RAD54L2: variants seen among roughly 807,000 people sequenced by gnomAD.
RAD54L2 encodes helicase ARIP4.
A neutral mutation model predicts 138.4 loss-of-function variants in RAD54L2; 27 were observed. The ratio of observed to expected loss-of-function variants is 0.20; its 90% confidence interval spans 0.14 to 0.27. The LOEUF (loss-of-function observed/expected upper bound fraction) is 0.27. RAD54L2 is among the 10% of genes least tolerant of loss of function. The pLI is 1.00. For synonymous variants in RAD54L2, 644 were observed against 723.2 expected (o/e 0.89, Z 1.76); for missense variants, 1,396 against 1,890.2 (o/e 0.74, Z 4.85).
At chr3:51,578,328 G>C (rs1577399882) in intron 2 of RAD54L2, among the ~76,000 whole-genome samples, 1 of 152,144 alleles carries the variant, frequency 6.6e-6, no homozygotes, top group Non-Finnish European at 1.5e-5. Context: ...AGGGAACAAT[G>C]CTGCTTCCTT....
chr3:51,657,032 C>T (rs921659260), intron 20 of RAD54L2, among the ~76,000 whole-genome samples: 1 of 151,996 alleles, frequency 6.6e-6, no homozygotes, highest in Non-Finnish European at 1.5e-5. Flanking sequence ...CCATTGCACC[C>T]GGCCAATATA....
chr3:51,586,671 C>T lies in RAD54L2; in HGVS notation c.-54-3696C>T, dbSNP rs528955696. Among the ~76,000 whole-genome samples, 5 of 150,506 alleles carry T rather than the reference C, an allele frequency of 3.3e-5. No homozygotes were observed. In the South Asian group the frequency reaches 6.3e-4, roughly 19 times the overall value. ...GGAATCTCCACCTCCTGGGTTCAGG[C>T]GATTCTTCTGCTTCAGCGTCCCGAG... On this transcript the variant is annotated intron_variant, in intron 2 of 22. Transcript: ENST00000684192.
At position 51,634,008 on chromosome 3, in the gene RAD54L2, A is replaced by C; in HGVS notation, c.1115A>C (p.Lys372Thr). ...GAAGAAGTCCAGCCTCGGTTCTTTAAAGTTCACATCTTGAATGATGAGCAC... is the reference window on the plus strand; with the variant it reads ...GAAGAAGTCCAGCCTCGGTTCTTTACAGTTCACATCTTGAATGATGAGCAC... ...KPEEVQPRFF[K>T]VHILNDEHKT... The change falls in exon 9 of 23, where the codon AAA (lysine) becomes ACA (threonine). Residue 372 changes from lysine (K) to threonine (T), a missense_variant. Coordinates refer to ENST00000684192, the MANE Select transcript of RAD54L2 (RefSeq NM_015106.4). The C allele has an allele frequency of 6.2e-7, 1 of 1,613,740 alleles. No homozygotes were observed. Among genetic ancestry groups the C allele is most frequent in the Non-Finnish European group, 8.5e-7 (1 of 1,179,880 alleles).
At chr3:51,567,217 T>C (rs111416493) in intron 2 of RAD54L2, among the ~76,000 whole-genome samples, 1 of 152,330 alleles carries the variant, frequency 6.6e-6, no homozygotes, top group African/African-American at 2.4e-5. Flanking sequence ...TGGGGGTTTA[T>C]ATTAACTTTT....
intron 3 of RAD54L2, among the ~76,000 whole-genome samples, chr3:51,593,012 T>C (rs931577418): frequency 6.6e-6 from 1 of 152,216 alleles, no homozygotes; most frequent in Non-Finnish European, 1.5e-5. Context: ...CTAGTAAGAA[T>C]AGCTATGAAT....
rs1471922797 is a variant in RAD54L2 at position 51,587,756 on chromosome 3, A to AT, written c.-54-2610dup. ...TTCTGTTCAGGAGAAGATAGATGTT[A>AT]TGTTTCAAATTATCTGAAGCTTAGT... On this transcript the variant is annotated intron_variant, in intron 2 of 22. Coordinates refer to ENST00000684192, the MANE Select transcript of RAD54L2 (RefSeq NM_015106.4). 2.6e-5 allele frequency among the ~76,000 whole-genome samples: 4 copies of AT among 152,076 alleles called. No homozygotes were observed. In the East Asian group the frequency reaches 7.7e-4, roughly 29 times the overall value.
chr3:51,546,382 T>G (rs529378195), intron 2 of RAD54L2, among the ~76,000 whole-genome samples: 27 of 152,262 alleles, frequency 1.8e-4, no homozygotes, highest in African/African-American at 5.8e-4. Context: ...GGCTCACGCC[T>G]GTAATCCCAG....
chr3:51,668,065 CTGTGTGTGTGTG>C lies in RAD54L2; in HGVS notation c.*4654_*4665del, dbSNP rs35035597. The C allele has an allele frequency of 6.7e-6, 1 of 149,948 alleles. No individual in the cohort carries two copies. Among genetic ancestry groups the C allele is most frequent in the Non-Finnish European group, 1.5e-5 (1 of 67,704 alleles). The allele number at this position is 149,948 out of a possible 1,614,324, so 9.3% of individuals were successfully genotyped here. On this transcript the variant is annotated 3_prime_UTR_variant, in exon 23 of 23. Transcript: ENST00000684192. ...CTCCCTGGAAGAGAGCTCAGCCCAGCTGTGTGTGTGTGTGTGTGTGAGTGTGTGTGTGTGTGT... is the reference window on the plus strand; with the variant it reads ...CTCCCTGGAAGAGAGCTCAGCCCAGCTGTGTGTGAGTGTGTGTGTGTGTGT...
At chr3:51,604,688 G>C (rs1386513385) in intron 3 of RAD54L2, among the ~76,000 whole-genome samples, 1 of 152,184 alleles carries the variant, frequency 6.6e-6, no homozygotes. Context: ...AGCGGAAGAA[G>C]GATAATAAGC....
intron 3 of RAD54L2, among the ~76,000 whole-genome samples, chr3:51,594,451 A>G (rs1699915006): frequency 6.6e-6 from 1 of 152,206 alleles, no homozygotes; most frequent in Non-Finnish European, 1.5e-5. Flanking sequence ...GGGCTCAGAA[A>G]GGTGAGTGGC....
Position 51,552,561 on chromosome 3 carries a change from C to CTTTTTT in RAD54L2, c.-55+10932_-55+10937dup, listed in dbSNP as rs58505964. The stretch of plus-strand genomic sequence containing the variant: ...ACAGGTGTGAGCCACTGCGCCTGGC[C>CTTTTTT]TTTTTTTTTTTTTTTTTTTTTTTTT... On this transcript the variant is annotated intron_variant, in intron 2 of 22. Transcript: ENST00000684192. Among the ~76,000 whole-genome samples, 95 of 106,728 alleles carry CTTTTTT rather than the reference C, an allele frequency of 8.9e-4. 2 individuals are homozygous for CTTTTTT. Among genetic ancestry groups the CTTTTTT allele is most frequent in the Admixed American group, 1.4e-3 (14 of 9,682 alleles). The allele number at this position is 106,728 out of a possible 152,430, so 70.0% of individuals were successfully genotyped here. A position where few individuals can be genotyped will look rare whatever the true frequency, so the allele number is the denominator to read the frequency against.
In RAD54L2 at chr3:51,637,550, G is replaced by A; in HGVS notation, c.1682+47G>A. ...GCTTCCTGAATTTTCAGAGGGCCCTGTTGCCAAGGGCATGCCAAACCTGTT... is the reference window on the plus strand; with the variant it reads ...GCTTCCTGAATTTTCAGAGGGCCCTATTGCCAAGGGCATGCCAAACCTGTT... On this transcript the variant is annotated intron_variant, in intron 11 of 22. Transcript: ENST00000684192. This position sits in a 1 kb window ranked among gnomAD's most constrained non-coding sequence, Gnocchi z 5.9. The A allele has an allele frequency of 1.9e-6, 3 of 1,542,156 alleles. No individual in the cohort carries two copies. Among genetic ancestry groups the A allele is most frequent in the Non-Finnish European group, 2.6e-6 (3 of 1,136,562 alleles).
chr3:51,589,491 T>C (rs761702565), intron 2 of RAD54L2, among the ~76,000 whole-genome samples: 2 of 152,162 alleles, frequency 1.3e-5, no homozygotes, highest in African/African-American at 2.4e-5. Context: ...CACTTCATGA[T>C]AGCATGGTGG....
In RAD54L2 at chr3:51,627,607, G is replaced by T; in HGVS notation, c.194G>T (p.Gly65Val). 6.4e-7 allele frequency: 1 copy of T among 1,560,506 alleles called. No individual in the cohort carries two copies. Among genetic ancestry groups the T allele is most frequent in the South Asian group, 1.2e-5 (1 of 84,762 alleles). Residue 65 changes from glycine to valine, a missense_variant, in exon 4 of 23, where the codon GGG becomes GTG. By Grantham distance (109) the Gly-to-Val change is moderately radical. This residue lies in a region of RAD54L2 where 256 missense variants were observed against 344.6 expected (regional missense o/e 0.74). Coordinates refer to ENST00000684192, the MANE Select transcript of RAD54L2 (RefSeq NM_015106.4). ...GTEHAQLGED[G>V]QQPPRCTSTT... ...GAGCATGCCCAGTTGGGAGAAGATG[G>T]GCAGCAGCCGCCGCGGTGCACTTCA...
At chr3:51,599,308 T>C (rs898571787) in intron 3 of RAD54L2, among the ~76,000 whole-genome samples, 38 of 152,118 alleles carry the variant, frequency 2.5e-4, no homozygotes, top group African/African-American at 8.7e-4. Flanking sequence ...TGTGATTCCA[T>C]TTATATTAAA....
chr3:51,648,459 C>T (rs538213767), intron 19 of RAD54L2, among the ~76,000 whole-genome samples: 14 of 152,318 alleles, frequency 9.2e-5, no homozygotes, highest in Admixed American at 2.0e-4. Flanking sequence ...TCTCCCAGCA[C>T]GAAGTTTGAG....
chr3:51,631,979 CCCT>C (rs1700856045), intron 7 of RAD54L2, among the ~76,000 whole-genome samples: 1 of 151,894 alleles, frequency 6.6e-6, no homozygotes, highest in African/African-American at 2.4e-5. Flanking sequence ...CTCTTCCTCC[CCCT>C]CCTCTCCCTT....
Position 51,662,748 on chromosome 3 carries a change from C to T in RAD54L2, c.3732C>T (p.Asp1244=), listed in dbSNP as rs748712739. The change falls in exon 23 of 23, where the codon GAC becomes GAT. Residue 1244 remains aspartate, a synonymous_variant. Coordinates refer to ENST00000684192, the MANE Select transcript of RAD54L2 (RefSeq NM_015106.4). This position sits in a 1 kb window ranked among gnomAD's most constrained non-coding sequence, Gnocchi z 4.6. ...SLLVTGQPCG[D]RHPVLDLRGH... ...TGGTGACTGGCCAGCCCTGTGGTGACAGGCACCCAGTGCTGGACTTAAGGG... is the reference window on the plus strand; with the variant it reads ...TGGTGACTGGCCAGCCCTGTGGTGATAGGCACCCAGTGCTGGACTTAAGGG... 5 of 1,612,966 alleles carry T rather than the reference C, an allele frequency of 3.1e-6. No homozygotes were observed. The South Asian group carries it at 4.4e-5, about 14-fold the overall frequency.
intron 3 of RAD54L2, among the ~76,000 whole-genome samples, chr3:51,617,154 T>C (rs1700463433): frequency 6.6e-6 from 1 of 152,228 alleles, no homozygotes; most frequent in Non-Finnish European, 1.5e-5. Context: ...CTCTTATGAA[T>C]AAAGCTGCTC....
Sources: gnomAD v4.1 joint callset for allele counts (sites outside exome capture counted in the v4.1 genomes callset) on GRCh38, gnomAD v4.1.1 for gene constraint, gnomAD v4.1.1 regional missense constraint, Gnocchi (gnomAD v3.1) non-coding constraint, MANE v1.5 for transcripts, NCBI Gene and HGNC (gene_info 2026-07-23, HGNC 2026-07-21) for gene names.